The following RAB36 variants were observed in gnomAD, a reference collection of about 807,000 sequenced individuals.
The protein encoded by RAB36 is RAB36, member RAS oncogene family.
In RAB36, 33 loss-of-function variants were observed where a neutral mutation model predicts 39.3. The observed-to-expected ratio is 0.84, with a 90% CI of 0.64 to 1.12. The LOEUF (loss-of-function observed/expected upper bound fraction) is 1.12. RAB36 is among the 50% of genes most tolerant of loss of function. The probability of loss-of-function intolerance (pLI) is 0.00; values close to 1 mark genes in which losing one functional copy is unlikely to be tolerated. For synonymous variants in RAB36, 133 were observed against 140.2 expected (o/e 0.95, Z 0.36); for missense variants, 308 against 355.3 (o/e 0.87, Z 1.07).
chr22:23,152,934 G>A (rs2071243529), intron 4 of RAB36, 99 bp from the exon 5 acceptor site: 1 of 851,994 alleles, frequency 1.2e-6, no homozygotes. Flanking sequence ...CTGATGGGAA[G>A]TGGACCTTAT....
intron 3 of RAB36, among the ~76,000 whole-genome samples, chr22:23,150,459 G>A (rs568588898): frequency 3.3e-5 from 5 of 151,914 alleles, no homozygotes; most frequent in South Asian, 2.1e-4. Context: ...CCGCCACCAC[G>A]CCCGGCTAAT....
At position 23,162,694 on chromosome 22, in the gene RAB36, CCA is replaced by C. The variant is rs1491223276; in HGVS notation, c.*1132_*1133del. ...CCAGGCCCCTGTCACCTGGCTATGC[CCA>C]CTCATCCCACCCGTCTCGTGCTGTT... On this transcript the variant is annotated 3_prime_UTR_variant, in exon 11 of 11. Coordinates refer to ENST00000263116, the MANE Select transcript of RAB36 (RefSeq NM_004914.5). 1 of 456,150 alleles carries C rather than the reference CCA, an allele frequency of 2.2e-6. No individual in the cohort carries two copies. The highest frequency in any genetic ancestry group is 4.4e-6 in the Non-Finnish European group (1 of 226,972). The allele number at this position is 456,150 out of a possible 1,614,324, so 28.3% of individuals were successfully genotyped here. A position where few individuals can be genotyped will look rare whatever the true frequency, so the allele number is the denominator to read the frequency against.
downstream of RAB36, among the ~76,000 whole-genome samples, chr22:23,166,179 GAGT>G: frequency 7.5e-6 from 1 of 133,244 alleles, no homozygotes; most frequent in African/African-American, 3.0e-5. Context: ...AAAAAAAAAG[GAGT>G]GTTTCCAGAG....
Position 23,152,501 on chromosome 22 carries a change from G to T in RAB36, c.202G>T (p.Val68Leu). The change falls in exon 4 of 11, where the codon GTG becomes TTG. Residue 68 changes from valine (V) to leucine (L), a missense_variant. Val to Leu is a conservative substitution (Grantham distance 32, BLOSUM62 1). Transcript: ENST00000263116. ...GGTGGTGGTGGTTGGCGATCTCTAC[G>T]TGGGGAAGACCAGCCTCATCCACAG... Reference protein sequence around the residue: ...SKVVVVGDLYVGKTSLIHRFC... With the variant: ...SKVVVVGDLYLGKTSLIHRFC... 6.2e-7 allele frequency: 1 copy of T among 1,614,156 alleles called. No homozygotes were observed. Among genetic ancestry groups the T allele is most frequent in the Non-Finnish European group, 8.5e-7 (1 of 1,180,020 alleles).
rs183606815 is a variant in RAB36 at position 23,152,758 on chromosome 22, C to T, written c.227+232C>T. 2.0e-3 allele frequency among the ~76,000 whole-genome samples: 303 copies of T among 152,336 alleles called. 1 individual carries two copies. Among genetic ancestry groups the T allele is most frequent in the African/African-American group, 5.8e-3 (242 of 41,568 alleles). ...GCCTGGCGCTTGTCAGACTGTCCCC[C>T]TGGGGCCACGGGCTCTCCCCTCCAC... On this transcript the variant is annotated intron_variant, in intron 4 of 10. Transcript: ENST00000263116.
At chr22:23,148,215 T>C (rs1171932225) in intron 2 of RAB36, among the ~76,000 whole-genome samples, 1 of 152,200 alleles carries the variant, frequency 6.6e-6, no homozygotes, top group African/African-American at 2.4e-5. Flanking sequence ...GAGAAAGGCT[T>C]TGTGTCTCAG....
chr22:23,150,364 C>T (rs1409110802), intron 3 of RAB36, among the ~76,000 whole-genome samples: 1 of 146,308 alleles, frequency 6.8e-6, no homozygotes, highest in Non-Finnish European at 1.5e-5. Context: ...TGCAGTGGTG[C>T]GATCTCAGCT....
intron 2 of RAB36, among the ~76,000 whole-genome samples, chr22:23,147,265 G>A (rs899283747): frequency 1.3e-5 from 2 of 152,120 alleles, no homozygotes; most frequent in African/African-American, 4.8e-5. Context: ...AACCTCCATA[G>A]GGGGCAGTGG....
Position 23,153,127 on chromosome 22 carries a change from C to T in RAB36, c.322C>T (p.Leu108Phe), listed in dbSNP as rs530163185. ...RFEIAGIPYS[L>F]QIWDTAGQEK... Reference sequence around the variant, plus strand: ...TGAGATTGCTGGGATTCCCTATAGCCTCCAGATGTAAGTTGCTGGTTCCCC... The same window carrying T: ...TGAGATTGCTGGGATTCCCTATAGCTTCCAGATGTAAGTTGCTGGTTCCCC... Residue 108 changes from leucine to phenylalanine, a missense_variant, in exon 5 of 11, where the codon CTC becomes TTC. Transcript: ENST00000263116. 7 of 1,613,544 alleles carry T rather than the reference C, an allele frequency of 4.3e-6. No homozygotes were observed. In the South Asian group the frequency reaches 6.6e-5, roughly 15 times the overall value.
chr22:23,167,005 C>T (rs1350236447), downstream of RAB36, among the ~76,000 whole-genome samples: 1 of 152,104 alleles, frequency 6.6e-6, no homozygotes, highest in South Asian at 2.1e-4. Context: ...ACTACCACCC[C>T]CGCCCTGTCC....
intron 6 of RAB36, among the ~76,000 whole-genome samples, chr22:23,157,042 T>C (rs1414578414): frequency 3.3e-5 from 5 of 152,122 alleles, no homozygotes; most frequent in Admixed American, 3.3e-4. Context: ...TAGAGAGCAT[T>C]TGCCTGGAAT....
downstream of RAB36, among the ~76,000 whole-genome samples, chr22:23,166,952 G>A (rs748336540): frequency 1.3e-5 from 2 of 152,110 alleles, no homozygotes; most frequent in Non-Finnish European, 2.9e-5. Flanking sequence ...TATGCAGTGA[G>A]GTGCTCTGGA....
At chr22:23,147,006 C>T (rs2070813553) in intron 2 of RAB36, among the ~76,000 whole-genome samples, 1 of 152,190 alleles carries the variant, frequency 6.6e-6, no homozygotes, top group Admixed American at 6.5e-5. Flanking sequence ...CTCAGAGCCA[C>T]TGTTACATGA....
intron 9 of RAB36, 135 bp from the exon 10 acceptor site, chr22:23,160,744 C>A: frequency 1.6e-6 from 2 of 1,240,572 alleles, no homozygotes; most frequent in Non-Finnish European, 2.2e-6. Flanking sequence ...CTCCTGGGGT[C>A]ATTGTTACTG....
At chr22:23,146,851 G>A (rs1262569213) in intron 2 of RAB36, among the ~76,000 whole-genome samples, 166 bp downstream of exon 2, 1 of 152,184 alleles carries the variant, frequency 6.6e-6, no homozygotes, top group Non-Finnish European at 1.5e-5. Context: ...CCCAAGGTGG[G>A]ACCGCAAGTT....
At chr22:23,168,899 G>A (rs550632117), downstream of RAB36, among the ~76,000 whole-genome samples, 3 of 152,294 alleles carry the variant, frequency 2.0e-5, no homozygotes, top group South Asian at 6.2e-4. Context: ...CCTGACAGGT[G>A]GTTGGCACCC....
chr22:23,147,292 T>C (rs1341345582), intron 2 of RAB36, among the ~76,000 whole-genome samples: 1 of 152,128 alleles, frequency 6.6e-6, no homozygotes, highest in East Asian at 1.9e-4. Flanking sequence ...TTTACCAATA[T>C]AGAAGATGAC....
In RAB36 at chr22:23,145,539, A is replaced by G. The variant is rs2070713793; in HGVS notation, c.-25A>G. ...CAGGCCGCGCGGAGCCCCAGCTTTC[A>G]CAGCCATCGCTGGTGAGTCAGCTCG... On this transcript the variant is annotated 5_prime_UTR_variant, in exon 1 of 11. Coordinates refer to ENST00000263116, the MANE Select transcript of RAB36 (RefSeq NM_004914.5). 4.4e-6 allele frequency: 7 copies of G among 1,601,768 alleles called. No individual in the cohort carries two copies. Among genetic ancestry groups the G allele is most frequent in the Admixed American group, 1.7e-5 (1 of 59,922 alleles).
intron 2 of RAB36, among the ~76,000 whole-genome samples, chr22:23,147,518 A>C (rs1277296174): frequency 6.6e-6 from 1 of 151,962 alleles, no homozygotes; most frequent in African/African-American, 2.4e-5. Context: ...TTTTTAATAG[A>C]GATGAAGTCT....
Sources: allele counts gnomAD v4.1 joint callset (sites outside exome capture counted in the v4.1 genomes callset), GRCh38; gene constraint gnomAD v4.1.1; transcripts MANE v1.5; gene names NCBI Gene and HGNC (gene_info 2026-07-23, HGNC 2026-07-21).